The following LIPA variants were observed in gnomAD, a reference collection of about 807,000 sequenced individuals.
The protein encoded by LIPA is lipase A, lysosomal acid type.
In LIPA, 26 loss-of-function variants were observed where a neutral mutation model predicts 40.6. That is an observed-to-expected ratio of 0.64 (90% CI 0.47 to 0.89). The LOEUF (loss-of-function observed/expected upper bound fraction) is 0.89. LIPA is among the 40% of genes least tolerant of loss of function. LIPA has a pLI of 0.00. For synonymous variants in LIPA, 188 were observed against 168.4 expected (o/e 1.12, Z -0.90); for missense variants, 455 against 479.6 (o/e 0.95, Z 0.48).
At chr10:89,347,405 C>T (rs569145452), upstream of LIPA, among the ~76,000 whole-genome samples, 6 of 152,336 alleles carry the variant, frequency 3.9e-5, no homozygotes, top group South Asian at 2.1e-4. Flanking sequence ...CATAAACAGT[C>T]TTAGCATAGT....
At chr10:89,236,900 A>C (rs573210093) in intron 3 of LIPA, among the ~76,000 whole-genome samples, 1 of 152,346 alleles carries the variant, frequency 6.6e-6, no homozygotes, top group Admixed American at 6.5e-5. Flanking sequence ...AAGAAAAAAG[A>C]AGGTGAAGAA....
At chr10:89,369,539 T>A (rs1443629447) in intron 2 of LIPA, among the ~76,000 whole-genome samples, 1 of 152,106 alleles carries the variant, frequency 6.6e-6, no homozygotes, top group African/African-American at 2.4e-5. Context: ...TATGTTGGAG[T>A]TATCTTTATC....
At chr10:89,405,150 T>G (rs1438947407) in intron 2 of LIPA, 2 of 150,622 alleles carry the variant, frequency 1.3e-5, no homozygotes, top group African/African-American at 4.8e-5. Flanking sequence ...AGGTTAGTTT[T>G]CTTCATGAAG....
chr10:89,340,662 A>G (rs935232616), intron 1 of LIPA: 1 of 152,186 alleles, frequency 6.6e-6, no homozygotes, highest in African/African-American at 2.4e-5. Context: ...GTAGCAATAA[A>G]TGCTTCAGGC....
intron 1 of LIPA, among the ~76,000 whole-genome samples, chr10:89,260,713 G>A (rs1222786708): frequency 5.3e-5 from 8 of 152,074 alleles, no homozygotes; most frequent in African/African-American, 1.7e-4. Context: ...CCATCTCCGT[G>A]TGCTCAGTAA....
At chr10:89,228,077 C>A in intron 4 of LIPA, 123 bp downstream of exon 4, 1 of 804,354 alleles carries the variant, frequency 1.2e-6, no homozygotes, top group South Asian at 1.4e-5. Flanking sequence ...TTTCAAAAGA[C>A]ACTAACTTCC....
intron 1 of LIPA, chr10:89,306,220 G>A (rs1843477415): frequency 1.2e-6 from 2 of 1,614,124 alleles, no homozygotes; most frequent in African/African-American, 2.7e-5. Flanking sequence ...ATGCTGACCA[G>A]GCAGAAATCA....
intron 2 of LIPA, among the ~76,000 whole-genome samples, chr10:89,386,952 T>TGTGTGTGTGC (rs1844214134): frequency 8.7e-6 from 1 of 114,688 alleles, no homozygotes. Context: ...TATGAGTGTG[T>TGTGTGTGTGC]GTGTGTGTGT....
chr10:89,383,226 A>G, intron 2 of LIPA: 1 of 1,102,352 alleles, frequency 9.1e-7, no homozygotes, highest in Non-Finnish European at 1.3e-6. Flanking sequence ...GGAAATTAGG[A>G]TAGAGCATAT....
intron 1 of LIPA, among the ~76,000 whole-genome samples, chr10:89,288,619 C>G (rs1843354119): frequency 1.3e-5 from 2 of 152,106 alleles, no homozygotes; most frequent in South Asian, 4.1e-4. Flanking sequence ...TTCCTTCTTT[C>G]CTGTTCCTCA....
intron 2 of LIPA, among the ~76,000 whole-genome samples, chr10:89,382,347 G>A (rs1844169632): frequency 6.6e-6 from 1 of 152,186 alleles, no homozygotes; most frequent in Non-Finnish European, 1.5e-5. Flanking sequence ...TACATAGGAT[G>A]TGAGGACCAC....
chr10:89,225,658 C>T (rs1260540508), intron 5 of LIPA, among the ~76,000 whole-genome samples: 1 of 152,186 alleles, frequency 6.6e-6, no homozygotes, highest in Non-Finnish European at 1.5e-5. Context: ...GGAACTCACA[C>T]ATTTAGAATC....
At position 89,235,751 on chromosome 10, in the gene LIPA, G is replaced by A. The variant is rs142619250; in HGVS notation, c.230-7353C>T. Among the ~76,000 whole-genome samples the A allele has an allele frequency of 3.3e-3, 501 of 152,360 alleles. 1 individual carries two copies. The highest frequency in any genetic ancestry group is 0.011 in the African/African-American group (477 of 41,578). On this transcript the variant is annotated intron_variant, in intron 3 of 9. Coordinates refer to ENST00000336233, the MANE Select transcript of LIPA (RefSeq NM_000235.4). ...CAAGGAGGTGGTCAGACACCAGGGC[G>A]TTAGCATGAAGCAGACCTCAGTTCT...
At chr10:89,340,057 G>A in intron 1 of LIPA, 1 of 1,614,122 alleles carries the variant, frequency 6.2e-7, no homozygotes, top group African/African-American at 1.3e-5. Flanking sequence ...GGATGGTAGT[G>A]AGGAAATGGG....
At chr10:89,389,250 T>C (rs1232809528) in intron 2 of LIPA, among the ~76,000 whole-genome samples, 2 of 152,244 alleles carry the variant, frequency 1.3e-5, no homozygotes, top group Admixed American at 6.5e-5. Context: ...AAATCAAAGA[T>C]GCAGGAACAT....
chr10:89,268,717 T>C (rs1843250299), intron 1 of LIPA, among the ~76,000 whole-genome samples: 1 of 152,228 alleles, frequency 6.6e-6, no homozygotes, highest in Non-Finnish European at 1.5e-5. Context: ...AATGATGTAC[T>C]TTATTTAAAA....
upstream of LIPA, among the ~76,000 whole-genome samples, chr10:89,347,015 G>C (rs1843927911): frequency 6.6e-6 from 1 of 152,146 alleles, no homozygotes; most frequent in African/African-American, 2.4e-5. Flanking sequence ...GAGAATTCTA[G>C]GAAATTGACA....
chr10:89,385,483 C>T (rs1031983873), intron 2 of LIPA, among the ~76,000 whole-genome samples: 3 of 152,154 alleles, frequency 2.0e-5, no homozygotes, highest in Admixed American at 1.3e-4. Context: ...AAAATTTTGC[C>T]TTTGGAATGA....
chr10:89,225,109 G>A lies in LIPA; in HGVS notation c.658C>T (p.Pro220Ser), dbSNP rs199622801. ...CCAAGTACCTTAATGAGATGATCTG[G>A]TAATCGTCCTAATTTGGCCATAGGG... ...TSPMAKLGRLPDHLIKDLFGD... is the reference protein window; with the variant it reads ...TSPMAKLGRLSDHLIKDLFGD... Residue 220 changes from proline to serine, a missense_variant, in exon 6 of 10, where the codon CCA becomes TCA. Physicochemically the swap from Pro to Ser is moderately conservative, Grantham distance 74. Transcript: ENST00000336233. The A allele has an allele frequency of 6.2e-7, 1 of 1,614,110 alleles. No individual in the cohort carries two copies.
Sources: allele counts gnomAD v4.1 joint callset (sites outside exome capture counted in the v4.1 genomes callset), GRCh38; gene constraint gnomAD v4.1.1; transcripts MANE v1.5; gene names NCBI Gene and HGNC (gene_info 2026-07-23, HGNC 2026-07-21).